Variants in NSUN6 observed in about 807,000 individuals in gnomAD.
NSUN6 encodes the protein tRNA (cytosine(72)-C(5))-methyltransferase NSUN6.
Under a neutral mutation model 58.0 loss-of-function variants are expected in NSUN6, and 64 were observed. The ratio of observed to expected loss-of-function variants is 1.10; its 90% CI spans 0.90 to 1.36. NSUN6 has a LOEUF of 1.36. NSUN6 is among the 40% of genes most tolerant of loss of function. The pLI is 0.00. For synonymous variants in NSUN6, 231 were observed against 193.9 expected (o/e 1.19, Z -1.59); for missense variants, 701 against 550.1 (o/e 1.27, Z -2.74).
intron 8 of NSUN6, among the ~76,000 whole-genome samples, chr10:18,581,458 A>C (rs4484992): frequency 0.62 from 93,976 of 151,952 alleles, 29,450 homozygotes; most frequent in East Asian, 0.98. Context: ...CAGGAAATTA[A>C]CCTATAAGGT....
At chr10:18,623,126 A>C (rs992196817) in intron 3 of NSUN6, among the ~76,000 whole-genome samples, 1 of 152,242 alleles carries the variant, frequency 6.6e-6, no homozygotes, top group Non-Finnish European at 1.5e-5. Context: ...AAACTGAAGA[A>C]AGCAAAATTT....
At chr10:18,591,211 C>A (rs2057365343) in intron 7 of NSUN6, among the ~76,000 whole-genome samples, 1 of 152,048 alleles carries the variant, frequency 6.6e-6, no homozygotes, top group South Asian at 2.1e-4. Flanking sequence ...CCTGAATAGA[C>A]CAATAACAAG....
intron 3 of NSUN6, among the ~76,000 whole-genome samples, chr10:18,628,215 TAACA>T (rs1188187050): frequency 2.0e-5 from 3 of 151,964 alleles, no homozygotes; most frequent in Non-Finnish European, 4.4e-5. Context: ...GAAGGAAAAC[TAACA>T]AACAGAAAGG....
At chr10:18,607,972 A>G (rs1300446048) in intron 6 of NSUN6, among the ~76,000 whole-genome samples, 1 of 152,250 alleles carries the variant, frequency 6.6e-6, no homozygotes, top group Non-Finnish European at 1.5e-5. Flanking sequence ...TACATGGACT[A>G]CAATAAGCAG....
chr10:18,635,085 G>A (rs1201388110), intron 3 of NSUN6, among the ~76,000 whole-genome samples: 2 of 152,186 alleles, frequency 1.3e-5, no homozygotes, highest in Non-Finnish European at 2.9e-5. Flanking sequence ...ATTTTGGTAT[G>A]TGCTACGCAG....
chr10:18,623,409 T>C (rs978117937), intron 3 of NSUN6, among the ~76,000 whole-genome samples: 3 of 152,112 alleles, frequency 2.0e-5, no homozygotes, highest in African/African-American at 4.8e-5. Flanking sequence ...GAAACAGCTA[T>C]AATTGCGATG....
chr10:18,550,915 G>T (rs188394974), intron 9 of NSUN6, among the ~76,000 whole-genome samples: 2 of 151,902 alleles, frequency 1.3e-5, no homozygotes, highest in East Asian at 3.9e-4. Flanking sequence ...TAGTAGAGAC[G>T]GGGTTTTGCC....
intron 6 of NSUN6, among the ~76,000 whole-genome samples, chr10:18,597,525 T>A (rs1477391240): frequency 6.6e-6 from 1 of 152,206 alleles, no homozygotes; most frequent in Admixed American, 6.5e-5. Flanking sequence ...ATTCCAGCAC[T>A]TTGGGAGGCC....
intron 8 of NSUN6, among the ~76,000 whole-genome samples, chr10:18,584,776 G>T (rs2057052888): frequency 6.6e-6 from 1 of 151,818 alleles, no homozygotes; most frequent in African/African-American, 2.4e-5. Flanking sequence ...AAATGTTAAA[G>T]GAAGCAAGAG....
At chr10:18,584,958 G>C (rs1404780375) in intron 8 of NSUN6, among the ~76,000 whole-genome samples, 2 of 136,092 alleles carry the variant, frequency 1.5e-5, no homozygotes, top group African/African-American at 2.7e-5. Context: ...CAAAAATAAA[G>C]ACCTATTTCA....
chr10:18,617,519 C>A (rs1279650206), intron 3 of NSUN6, among the ~76,000 whole-genome samples: 1 of 152,088 alleles, frequency 6.6e-6, no homozygotes, highest in Non-Finnish European at 1.5e-5. Context: ...TAATTACCTA[C>A]GGACAGCTAT....
intron 8 of NSUN6, among the ~76,000 whole-genome samples, chr10:18,560,562 T>A (rs531255666): frequency 2.1e-5 from 3 of 146,116 alleles, no homozygotes; most frequent in Admixed American, 6.8e-5. Context: ...CAGTGGTGAA[T>A]AGAATGGAAT....
intron 3 of NSUN6, among the ~76,000 whole-genome samples, chr10:18,640,815 G>A (rs1343242907): frequency 2.0e-5 from 3 of 150,384 alleles, no homozygotes; most frequent in African/African-American, 7.3e-5. Context: ...AATAGAATGA[G>A]CCTATACAAA....
upstream of NSUN6, chr10:18,654,419 T>C (rs537296731): frequency 5.3e-5 from 8 of 152,340 alleles, no homozygotes; most frequent in South Asian, 6.2e-4. Flanking sequence ...CTATCTCCAT[T>C]CAAGGGAACT....
intron 2 of NSUN6, among the ~76,000 whole-genome samples, chr10:18,643,120 C>T (rs905893803): frequency 2.0e-5 from 3 of 151,894 alleles, no homozygotes; most frequent in Non-Finnish European, 4.4e-5. Context: ...GCATCTCTTT[C>T]CAATTCCATG....
intron 6 of NSUN6, among the ~76,000 whole-genome samples, chr10:18,604,901 T>C (rs1418512872): frequency 6.6e-6 from 1 of 150,428 alleles, no homozygotes; most frequent in Non-Finnish European, 1.5e-5. Context: ...TTTTTTTCTT[T>C]TTGAGACGGA....
intron 4 of NSUN6, among the ~76,000 whole-genome samples, chr10:18,615,236 T>A (rs190990246): frequency 6.6e-6 from 1 of 152,208 alleles, no homozygotes; most frequent in East Asian, 1.9e-4. Flanking sequence ...ATCCAGTTTG[T>A]GTAGGCATTT....
intron 7 of NSUN6, among the ~76,000 whole-genome samples, chr10:18,589,379 G>T (rs1589975687): frequency 6.6e-6 from 1 of 152,222 alleles, no homozygotes; most frequent in East Asian, 1.9e-4. Flanking sequence ...CCCCAACCTA[G>T]CAAGACAGGC....
chr10:18,576,162 C>G (rs139271284), intron 8 of NSUN6, among the ~76,000 whole-genome samples: 1 of 152,244 alleles, frequency 6.6e-6, no homozygotes, highest in South Asian at 2.1e-4. Flanking sequence ...TGATCTATTA[C>G]TCTTTCTTCT....
Sources: gnomAD v4.1 joint callset for allele counts (sites outside exome capture counted in the v4.1 genomes callset) on GRCh38, gnomAD v4.1.1 for gene constraint, MANE v1.5 for transcripts, NCBI Gene and HGNC (gene_info 2026-07-23, HGNC 2026-07-21) for gene names.